Variants in NTNG1 observed in about 807,000 individuals in gnomAD.
The protein encoded by NTNG1 is netrin-G1.
Under a neutral mutation model 54.0 loss-of-function variants are expected in NTNG1, and 16 were observed. That is an observed-to-expected ratio of 0.30 (90% CI 0.20 to 0.45). NTNG1 has a LOEUF of 0.45. NTNG1 is among the 20% of genes least tolerant of loss of function. The probability of loss-of-function intolerance (pLI) is 1.00; values close to 1 mark genes in which losing one functional copy is unlikely to be tolerated. For missense variants in NTNG1, 530 were observed against 678.7 expected, an observed-to-expected ratio of 0.78 and a Z score of 2.43; for synonymous variants, 255 against 263.1, an observed-to-expected ratio of 0.97 and a Z score of 0.30.
chr1:107,303,106 A>G (rs1319481837), intron 2 of NTNG1, among the ~76,000 whole-genome samples: 1 of 152,224 alleles, frequency 6.6e-6, no homozygotes, highest in Admixed American at 6.5e-5. Flanking sequence ...TTTATACTTT[A>G]ATATCTAAGA....
chr1:107,262,324 T>A (rs1478413238), intron 2 of NTNG1, among the ~76,000 whole-genome samples: 1 of 152,090 alleles, frequency 6.6e-6, no homozygotes, highest in Non-Finnish European at 1.5e-5. Context: ...GAGTCTTTTG[T>A]GGGTAATGAG....
intron 3 of NTNG1, among the ~76,000 whole-genome samples, chr1:107,349,135 CCTCTTCA>C (rs1669439916): frequency 1.3e-5 from 2 of 152,118 alleles, no homozygotes; most frequent in Admixed American, 1.3e-4. Flanking sequence ...TGCTTCAGGA[CCTCTTCA>C]TGAGCTTCTA....
intron 2 of NTNG1, among the ~76,000 whole-genome samples, chr1:107,187,019 C>A (rs2101163717): frequency 6.6e-6 from 1 of 152,238 alleles, no homozygotes; most frequent in Middle Eastern, 3.4e-3. Flanking sequence ...TGATGAAGCA[C>A]AGAGTTTAGA....
intron 7 of NTNG1, among the ~76,000 whole-genome samples, chr1:107,459,181 T>C (rs1314649475): frequency 1.3e-5 from 2 of 152,182 alleles, no homozygotes; most frequent in Non-Finnish European, 2.9e-5. Flanking sequence ...TTTTGTAACT[T>C]TGCAAAGACA....
chr1:107,396,555 G>C (rs1672698580), intron 4 of NTNG1, among the ~76,000 whole-genome samples: 1 of 152,124 alleles, frequency 6.6e-6, no homozygotes. Context: ...CAGAAACGTG[G>C]ATGTTTCAAG....
chr1:107,422,794 C>T (rs915796866), intron 5 of NTNG1, among the ~76,000 whole-genome samples: 5 of 151,844 alleles, frequency 3.3e-5, no homozygotes, highest in African/African-American at 1.2e-4. Flanking sequence ...AATTAGCTTT[C>T]CTCATTTGGC....
chr1:107,388,319 G>A (rs149923205), intron 3 of NTNG1, among the ~76,000 whole-genome samples: 2,019 of 152,278 alleles, frequency 0.013, 25 homozygotes, highest in Non-Finnish European at 0.021. Flanking sequence ...ACCGTCCTTT[G>A]AAACCCCTCC....
At chr1:107,234,431 G>T (rs568490225) in intron 2 of NTNG1, among the ~76,000 whole-genome samples, 17 of 150,484 alleles carry the variant, frequency 1.1e-4, no homozygotes, top group Non-Finnish European at 1.6e-4. Context: ...CCCCTTTTCA[G>T]TTTTTTTTTC....
At chr1:107,376,025 A>G (rs1013242968) in intron 3 of NTNG1, among the ~76,000 whole-genome samples, 1 of 152,238 alleles carries the variant, frequency 6.6e-6, no homozygotes, top group Non-Finnish European at 1.5e-5. Flanking sequence ...AATAGTAATG[A>G]TAGTAATTTG....
intron 2 of NTNG1, among the ~76,000 whole-genome samples, chr1:107,279,742 C>G (rs139522819): frequency 6.6e-6 from 1 of 152,092 alleles, no homozygotes; most frequent in Non-Finnish European, 1.5e-5. Flanking sequence ...GGGTAGAAAA[C>G]AGTATTTCCT....
intron 2 of NTNG1, among the ~76,000 whole-genome samples, chr1:107,217,496 TC>T (rs1266528757): frequency 2.6e-5 from 4 of 152,178 alleles, no homozygotes; most frequent in African/African-American, 9.7e-5. Flanking sequence ...TTGCTGGGTT[TC>T]GGTTTGGTTT....
chr1:107,457,078 T>A (rs934315847), intron 7 of NTNG1, among the ~76,000 whole-genome samples: 3 of 152,208 alleles, frequency 2.0e-5, no homozygotes, highest in Non-Finnish European at 4.4e-5. Context: ...AAAATACAAA[T>A]CTCAAACCTC....
At chr1:107,227,665 C>T (rs1262998818) in intron 2 of NTNG1, among the ~76,000 whole-genome samples, 4 of 141,948 alleles carry the variant, frequency 2.8e-5, no homozygotes, top group African/African-American at 9.3e-5. Context: ...CTGTCTCTCT[C>T]GCTCTCTCTC....
At chr1:107,281,605 A>T (rs1156527596) in intron 2 of NTNG1, among the ~76,000 whole-genome samples, 1 of 152,078 alleles carries the variant, frequency 6.6e-6, no homozygotes, top group African/African-American at 2.4e-5. Context: ...CCTCAATTAG[A>T]TATTAGGCTT....
chr1:107,322,517 C>T (rs927273977), intron 2 of NTNG1, among the ~76,000 whole-genome samples: 2 of 152,088 alleles, frequency 1.3e-5, no homozygotes, highest in African/African-American at 4.8e-5. Context: ...TAAATCCTGA[C>T]AGATTCCACA....
chr1:107,166,297 T>C (rs1286649708), intron 2 of NTNG1, among the ~76,000 whole-genome samples: 3 of 152,190 alleles, frequency 2.0e-5, no homozygotes, highest in East Asian at 1.9e-4. Flanking sequence ...TAAGTTTCTT[T>C]TGTAGATTTA....
chr1:107,234,319 C>T (rs1404188669), intron 2 of NTNG1, among the ~76,000 whole-genome samples: 1 of 152,064 alleles, frequency 6.6e-6, no homozygotes, highest in Non-Finnish European at 1.5e-5. Flanking sequence ...CATGTGTTTC[C>T]CCCATATTGG....
At chr1:107,468,090 A>G (rs1677722686) in intron 7 of NTNG1, among the ~76,000 whole-genome samples, 1 of 152,208 alleles carries the variant, frequency 6.6e-6, no homozygotes. Context: ...ACAGCAGACA[A>G]GAGTGAATTA....
chr1:107,401,726 T>C (rs1673055043), intron 4 of NTNG1, among the ~76,000 whole-genome samples: 1 of 151,552 alleles, frequency 6.6e-6, no homozygotes, highest in Non-Finnish European at 1.5e-5. Flanking sequence ...AATAATAAAG[T>C]TCAGGGCCTG....
Sources: allele counts gnomAD v4.1 joint callset (sites outside exome capture counted in the v4.1 genomes callset), GRCh38; gene constraint gnomAD v4.1.1; transcripts MANE v1.5; gene names NCBI Gene and HGNC (gene_info 2026-07-23, HGNC 2026-07-21).